Variants in CNTN4 observed in about 807,000 individuals in gnomAD.
CNTN4 encodes contactin 4.
Under a neutral mutation model 122.5 loss-of-function variants are expected in CNTN4, and 77 were observed. That is an observed-to-expected ratio of 0.63 (90% CI 0.52 to 0.76). The LOEUF is 0.76. CNTN4 is among the 30% of genes least tolerant of loss of function. CNTN4 has a pLI of 0.00. For synonymous variants in CNTN4, 512 were observed against 447.0 expected (o/e 1.15, Z -1.83); for missense variants, 1,256 against 1,259.1 (o/e 1.00, Z 0.04).
chr3:2,195,737 G>T (rs1446884152), intron 2 of CNTN4, among the ~76,000 whole-genome samples: 1 of 152,178 alleles, frequency 6.6e-6, no homozygotes, highest in African/African-American at 2.4e-5. Context: ...TCTATTCCTG[G>T]AGGTTTGCCA....
At chr3:2,553,273 T>C (rs2078588208) in intron 3 of CNTN4, among the ~76,000 whole-genome samples, 1 of 152,166 alleles carries the variant, frequency 6.6e-6, no homozygotes, top group Admixed American at 6.5e-5. Context: ...GGACTGGGTT[T>C]GTATGTTCCA....
chr3:2,560,582 T>A (rs967622687), intron 3 of CNTN4, among the ~76,000 whole-genome samples: 1 of 152,230 alleles, frequency 6.6e-6, no homozygotes, highest in African/African-American at 2.4e-5. Flanking sequence ...TGAAGTAGGC[T>A]CAGTATCTCC....
rs576901886 is a variant in CNTN4 at position 2,281,762 on chromosome 3, AT to A, written c.-144-57414del. 3.3e-3 allele frequency among the ~76,000 whole-genome samples: 501 copies of A among 152,238 alleles called. 4 individuals are homozygous for A. Among genetic ancestry groups the A allele is most frequent in the African/African-American group, 0.011 (477 of 41,548 alleles). On this transcript the variant is annotated intron_variant, in intron 2 of 24. Coordinates refer to ENST00000418658, the MANE Select transcript of CNTN4 (RefSeq NM_175607.3). ...TGTTTATCGTAGTATAATTATAGGA[AT>A]TAATTAATTTGTCGAATTGTGTTAT...
At chr3:2,248,159 G>C (rs972021460) in intron 2 of CNTN4, among the ~76,000 whole-genome samples, 4 of 151,940 alleles carry the variant, frequency 2.6e-5, no homozygotes, top group Admixed American at 6.6e-5. Flanking sequence ...TACTCAGTTA[G>C]TAATTCTTGA....
chr3:2,574,795 T>C (rs2149515477), intron 4 of CNTN4, among the ~76,000 whole-genome samples: 1 of 152,234 alleles, frequency 6.6e-6, no homozygotes, highest in Non-Finnish European at 1.5e-5. Flanking sequence ...CCCACTAAAA[T>C]ATTAATCTGT....
chr3:2,338,662 G>T (rs745349278), intron 2 of CNTN4, among the ~76,000 whole-genome samples: 1 of 151,834 alleles, frequency 6.6e-6, no homozygotes, highest in Non-Finnish European at 1.5e-5. Context: ...AATATTGTGA[G>T]GCAAAAATTA....
chr3:2,757,538 G>A (rs559446860), intron 6 of CNTN4, among the ~76,000 whole-genome samples: 59 of 152,220 alleles, frequency 3.9e-4, no homozygotes, highest in South Asian at 3.3e-3. Flanking sequence ...CGATGTTATC[G>A]TTGATGTTAT....
intron 2 of CNTN4, among the ~76,000 whole-genome samples, chr3:2,151,819 G>A (rs1237364045): frequency 6.6e-6 from 1 of 152,176 alleles, no homozygotes; most frequent in Non-Finnish European, 1.5e-5. Context: ...ACCCTGCTGA[G>A]AGTCCCCACC....
chr3:2,474,027 A>C (rs113791102), intron 3 of CNTN4, among the ~76,000 whole-genome samples: 1 of 151,838 alleles, frequency 6.6e-6, no homozygotes. Context: ...AAAAAAAAAA[A>C]ATATTGCCAA....
intron 23 of CNTN4, among the ~76,000 whole-genome samples, chr3:3,047,176 C>T (rs547216687): frequency 1.8e-4 from 28 of 151,916 alleles, no homozygotes; most frequent in African/African-American, 5.1e-4. Flanking sequence ...ACAATAATGA[C>T]GGGAGACTTT....
chr3:2,818,516 C>A (rs2092791392), intron 6 of CNTN4, among the ~76,000 whole-genome samples: 1 of 151,988 alleles, frequency 6.6e-6, no homozygotes, highest in Non-Finnish European at 1.5e-5. Context: ...TGGAAGTCCC[C>A]GAATCCAATA....
intron 2 of CNTN4, among the ~76,000 whole-genome samples, chr3:2,226,522 A>G (rs2039289810): frequency 1.3e-5 from 2 of 152,112 alleles, no homozygotes; most frequent in Non-Finnish European, 2.9e-5. Context: ...CACCTTAATT[A>G]TTAGCTGCTT....
chr3:2,305,561 A>G (rs1331649514), intron 2 of CNTN4, among the ~76,000 whole-genome samples: 1 of 152,134 alleles, frequency 6.6e-6, no homozygotes, highest in Non-Finnish European at 1.5e-5. Context: ...CTTGAATAGT[A>G]CTTTCTCTTT....
intron 4 of CNTN4, among the ~76,000 whole-genome samples, chr3:2,627,781 C>A (rs561008857): frequency 6.6e-6 from 1 of 152,176 alleles, no homozygotes; most frequent in African/African-American, 2.4e-5. Context: ...GCGTGAGCCA[C>A]CGTGCCTGGC....
intron 2 of CNTN4, among the ~76,000 whole-genome samples, chr3:2,212,742 A>T (rs2038677065): frequency 6.6e-6 from 1 of 152,210 alleles, no homozygotes; most frequent in African/African-American, 2.4e-5. Flanking sequence ...TGCATATTTG[A>T]ATTGACTGAG....
At position 2,541,760 on chromosome 3, in the gene CNTN4, A is replaced by C. The variant is rs540562082; in HGVS notation, c.-88-29656A>C. Among the ~76,000 whole-genome samples the C allele has an allele frequency of 3.3e-5, 5 of 152,206 alleles. No individual in the cohort carries two copies. The East Asian group carries it at 7.7e-4, about 24-fold the overall frequency. On this transcript the variant is annotated intron_variant, in intron 3 of 24. Coordinates refer to ENST00000418658, the MANE Select transcript of CNTN4 (RefSeq NM_175607.3). ...TGTTCTCAGACCGCCAAGGGCAAAA[A>C]TATGTGCTGAGGGAGGCTGTACTGG...
intron 14 of CNTN4, among the ~76,000 whole-genome samples, chr3:3,011,571 C>G (rs56132250): frequency 0.021 from 3,197 of 152,280 alleles, 102 homozygotes; most frequent in African/African-American, 0.072. Flanking sequence ...TGTTTGTACA[C>G]TGTTCTGGCA....
At chr3:2,193,161 C>G (rs544571738) in intron 2 of CNTN4, among the ~76,000 whole-genome samples, 79 of 152,274 alleles carry the variant, frequency 5.2e-4, no homozygotes, top group African/African-American at 1.9e-3. Flanking sequence ...CCTGAGAAAA[C>G]TTAGACTTCA....
chr3:2,857,882 A>G (rs762573479), intron 7 of CNTN4, among the ~76,000 whole-genome samples: 50 of 152,284 alleles, frequency 3.3e-4, no homozygotes, highest in Non-Finnish European at 3.5e-4. Flanking sequence ...TATCCCATCA[A>G]AATACTCATA....
Sources: gnomAD v4.1 joint callset for allele counts (sites outside exome capture counted in the v4.1 genomes callset) on GRCh38, gnomAD v4.1.1 for gene constraint, MANE v1.5 for transcripts, NCBI Gene and HGNC (gene_info 2026-07-23, HGNC 2026-07-21) for gene names.